Variants in AKAP19 observed in about 807,000 individuals in gnomAD.
The protein encoded by AKAP19 is A-kinase anchoring protein 19.
chr2:189,966,895 C>G, the AKAP19 span, among the ~76,000 whole-genome samples: 1 of 152,136 alleles, frequency 6.6e-6, no homozygotes, highest in African/African-American at 2.4e-5. Flanking sequence ...AACCAATGCA[C>G]AGACTCAGGT....
At chr2:190,034,073 T>G in the AKAP19 span, among the ~76,000 whole-genome samples, 1 of 150,060 alleles carries the variant, frequency 6.7e-6, no homozygotes, top group Admixed American at 6.7e-5. Context: ...ACCCTAGAAC[T>G]TAAAGTATAA....
the AKAP19 span, among the ~76,000 whole-genome samples, chr2:189,895,304 A>G: frequency 6.6e-6 from 1 of 152,156 alleles, no homozygotes; most frequent in Non-Finnish European, 1.5e-5. Flanking sequence ...TAATGCCTGG[A>G]TACTCCAGCT....
At chr2:189,965,966 G>GTGTGTA in the AKAP19 span, among the ~76,000 whole-genome samples, 1 of 152,090 alleles carries the variant, frequency 6.6e-6, no homozygotes, top group Non-Finnish European at 1.5e-5. Context: ...GTGTGTGTGT[G>GTGTGTA]TGTGTATGTG....
the AKAP19 span, among the ~76,000 whole-genome samples, chr2:190,015,917 G>A: frequency 3.3e-5 from 5 of 152,172 alleles, no homozygotes; most frequent in Admixed American, 1.3e-4. Context: ...CAAAAGCATA[G>A]CAAGAGTGAC....
the AKAP19 span, among the ~76,000 whole-genome samples, chr2:190,191,999 G>A: frequency 6.7e-6 from 1 of 148,504 alleles, no homozygotes; most frequent in Non-Finnish European, 1.5e-5. Flanking sequence ...TTTCTTTCAT[G>A]GTTCATGCTT....
the AKAP19 span, among the ~76,000 whole-genome samples, chr2:189,969,087 A>T: frequency 1.3e-5 from 2 of 152,216 alleles, no homozygotes; most frequent in African/African-American, 2.4e-5. Flanking sequence ...CCATAAAAGC[A>T]GTACCAATTT....
chr2:189,959,084 C>G, the AKAP19 span, among the ~76,000 whole-genome samples: 1 of 151,752 alleles, frequency 6.6e-6, no homozygotes, highest in Non-Finnish European at 1.5e-5. Flanking sequence ...TTTTCTTAAA[C>G]TGGGTGATGG....
At chr2:190,005,022 G>A in the AKAP19 span, among the ~76,000 whole-genome samples, 3 of 152,294 alleles carry the variant, frequency 2.0e-5, no homozygotes, top group African/African-American at 7.2e-5. Context: ...GGTGTGTCCA[G>A]AAGTGTGTTC....
the AKAP19 span, among the ~76,000 whole-genome samples, chr2:190,191,131 A>G: frequency 1.3e-5 from 2 of 152,086 alleles, no homozygotes; most frequent in South Asian, 4.1e-4. Context: ...AGACATTTGC[A>G]TACAATTTTT....
At chr2:190,030,028 A>G in the AKAP19 span, among the ~76,000 whole-genome samples, 30 of 152,312 alleles carry the variant, frequency 2.0e-4, 1 homozygote, top group South Asian at 4.8e-3. Flanking sequence ...GAGCCTATTT[A>G]CCCTTCAGAA....
the AKAP19 span, among the ~76,000 whole-genome samples, chr2:189,998,771 C>CTTTTTTTTTTTTT: frequency 1.4e-3 from 133 of 97,526 alleles, no homozygotes; most frequent in East Asian, 1.9e-3. Flanking sequence ...TTCTTTCTTT[C>CTTTTTTTTTTTTT]TTTTTTTTTT....
the AKAP19 span, chr2:190,201,918 T>G: frequency 1.8e-5 from 3 of 167,070 alleles, no homozygotes; most frequent in African/African-American, 7.2e-5. Flanking sequence ...TTTCATTCAT[T>G]TTGCATCTCA....
chr2:189,956,359 C>T, the AKAP19 span, among the ~76,000 whole-genome samples: 2 of 149,976 alleles, frequency 1.3e-5, no homozygotes, highest in Non-Finnish European at 3.0e-5. Context: ...TTAGTAGAGA[C>T]GGGGTTTCAC....
At chr2:190,170,787 A>C in the AKAP19 span, among the ~76,000 whole-genome samples, 1 of 152,132 alleles carries the variant, frequency 6.6e-6, no homozygotes, top group East Asian at 1.9e-4. Context: ...CTATTTTCTT[A>C]TCGCTTTTTG....
the AKAP19 span, among the ~76,000 whole-genome samples, chr2:189,939,900 A>C: frequency 0.93 from 141,121 of 152,132 alleles, 65,493 homozygotes; most frequent in East Asian, 0.97. Context: ...GGTACCAGCA[A>C]TTTGGGAGGC....
the AKAP19 span, among the ~76,000 whole-genome samples, chr2:190,080,498 A>G: frequency 6.6e-6 from 1 of 152,200 alleles, no homozygotes; most frequent in Non-Finnish European, 1.5e-5. Context: ...GATGGGCAGG[A>G]GTTTGCCAGG....
chr2:189,997,279 G>T, the AKAP19 span, among the ~76,000 whole-genome samples: 1 of 152,326 alleles, frequency 6.6e-6, no homozygotes, highest in African/African-American at 2.4e-5. Context: ...GGGAATATAA[G>T]CTTGCCCTAA....
At chr2:189,956,168 C>CTTTTTT in the AKAP19 span, among the ~76,000 whole-genome samples, 5 of 4,344 alleles carry the variant, frequency 1.2e-3, no homozygotes, top group African/African-American at 1.3e-3. Context: ...AGTATATTTT[C>CTTTTTT]TTTTTTTTCT....
At chr2:190,057,678 C>A in the AKAP19 span, 1 of 1,604,522 alleles carries the variant, frequency 6.2e-7, no homozygotes, top group Non-Finnish European at 8.5e-7. Context: ...TATCAATAGG[C>A]CTGGAAACAC....
Sources: gnomAD v4.1 joint callset for allele counts (sites outside exome capture counted in the v4.1 genomes callset) on GRCh38, gnomAD v4.1.1 for gene constraint, MANE v1.5 for transcripts, NCBI Gene and HGNC (gene_info 2026-07-23, HGNC 2026-07-21) for gene names.